Variants in RNF13 observed in about 807,000 individuals in gnomAD.
RNF13 encodes the protein E3 ubiquitin-protein ligase RNF13.
RNF13 carries 19 observed loss-of-function variants against 37.7 expected under a neutral mutation model. That is an observed-to-expected ratio of 0.50 (90% confidence interval 0.35 to 0.74). The LOEUF (loss-of-function observed/expected upper bound fraction) is 0.74, where lower values mean the gene tolerates loss of function less well. Ranked by LOEUF, RNF13 falls within the 30% of genes least tolerant of loss-of-function variation. RNF13 has a pLI of 0.01. For synonymous variants in RNF13, 144 were observed against 157.8 expected, an observed-to-expected ratio of 0.91 and a Z score of 0.65; for missense variants, 375 against 453.0, an observed-to-expected ratio of 0.83 and a Z score of 1.56.
chr3:149,837,632 A>T (rs1721756873), intron 1 of RNF13, among the ~76,000 whole-genome samples: 1 of 152,114 alleles, frequency 6.6e-6, no homozygotes, highest in Non-Finnish European at 1.5e-5. Context: ...ATCTCATGAG[A>T]CTTATTCATT....
At chr3:149,916,346 A>G (rs907164954) in intron 7 of RNF13, among the ~76,000 whole-genome samples, 1 of 152,236 alleles carries the variant, frequency 6.6e-6, no homozygotes, top group Non-Finnish European at 1.5e-5. Context: ...CTTTATTCAT[A>G]TCCATCTGTG....
At chr3:149,892,579 C>T (rs986091750) in intron 4 of RNF13, among the ~76,000 whole-genome samples, 13 of 152,142 alleles carry the variant, frequency 8.5e-5, no homozygotes, top group African/African-American at 2.7e-4. Flanking sequence ...AGGAGGTGAG[C>T]GGTGGGCCGG....
chr3:149,879,157 A>C (rs1002538401), intron 4 of RNF13, among the ~76,000 whole-genome samples: 3 of 152,164 alleles, frequency 2.0e-5, no homozygotes, highest in African/African-American at 7.2e-5. Flanking sequence ...AAGATGGAAG[A>C]CACAGTAAAA....
At chr3:149,868,474 T>A (rs991745563) in intron 3 of RNF13, among the ~76,000 whole-genome samples, 4 of 151,750 alleles carry the variant, frequency 2.6e-5, no homozygotes, top group Non-Finnish European at 4.4e-5. Context: ...TTTACTGGAT[T>A]TGGTATTCTT....
rs150122768 is a variant in RNF13, at chr3:149,937,056, C to T, written c.700+15829C>T. 2.0e-5 allele frequency among the ~76,000 whole-genome samples: 3 copies of T among 152,224 alleles called. No homozygotes were observed. The East Asian group carries it at 5.8e-4, about 29-fold the overall frequency. ...GCTAGGAGTTTGTGCGCAGAGGACC[C>T]GTGGAATGTGCCTCCTACTGCTGCT... is the stretch of plus-strand genomic sequence containing the variant. On this transcript the variant is annotated intron_variant, in intron 8 of 9. Coordinates refer to ENST00000392894, the MANE Select transcript of RNF13 (RefSeq NM_183381.3).
intron 1 of RNF13, chr3:149,817,160 T>C (rs761775555): frequency 4.6e-5 from 7 of 152,194 alleles, no homozygotes; most frequent in Non-Finnish European, 8.8e-5. Flanking sequence ...AATGCTTACA[T>C]TGTAAGGAAA....
chr3:149,860,887 T>C (rs777309364), intron 3 of RNF13, among the ~76,000 whole-genome samples: 1 of 152,044 alleles, frequency 6.6e-6, no homozygotes, highest in Non-Finnish European at 1.5e-5. Context: ...ATATCCAGAA[T>C]ATATAAGGAA....
At chr3:149,825,835 G>T (rs1720447086) in intron 1 of RNF13, among the ~76,000 whole-genome samples, 1 of 152,120 alleles carries the variant, frequency 6.6e-6, no homozygotes, top group Admixed American at 6.5e-5. Flanking sequence ...ACTTTGATAA[G>T]TTCTGATATA....
intron 7 of RNF13, 63 bp downstream of exon 7, chr3:149,912,146 T>C (rs1398310872): frequency 1.4e-5 from 11 of 782,286 alleles, no homozygotes; most frequent in Non-Finnish European, 2.4e-5. Flanking sequence ...AAACATTGTA[T>C]TGAGTGAGAG....
chr3:149,868,493 G>A (rs903958718), intron 3 of RNF13, among the ~76,000 whole-genome samples: 2 of 151,320 alleles, frequency 1.3e-5, no homozygotes, highest in Non-Finnish European at 3.0e-5. Context: ...TTGGATGATA[G>A]GTTTCCTTTC....
intron 8 of RNF13, among the ~76,000 whole-genome samples, chr3:149,933,527 A>G (rs770527799): frequency 1.3e-5 from 2 of 150,442 alleles, no homozygotes; most frequent in Admixed American, 6.6e-5. Context: ...TGTTGATTTT[A>G]TATCCTGCAA....
rs988378970 is a variant in RNF13 at position 149,867,367 on chromosome 3, A to G, written c.196-4662A>G. ...TGCAAGCTCCGCCTCCCGGGTTCAC[A>G]CCATTCTCCTGCCTCAGCCTCCCTA... is the stretch of plus-strand genomic sequence containing the variant. On this transcript the variant is annotated intron_variant, in intron 3 of 9. Transcript: ENST00000392894. 9.6e-3 allele frequency among the ~76,000 whole-genome samples: 1,429 copies of G among 149,246 alleles called. 10 individuals carry two copies. Among genetic ancestry groups the G allele is most frequent in the Non-Finnish European group, 0.015 (996 of 66,474 alleles).
chr3:149,902,739 C>T (rs894255676), intron 6 of RNF13, among the ~76,000 whole-genome samples: 2 of 152,000 alleles, frequency 1.3e-5, no homozygotes, highest in South Asian at 2.1e-4. Context: ...ACAGAGAAAA[C>T]GGTACAATAA....
At chr3:149,901,575 G>C (rs1355543147) in intron 5 of RNF13, among the ~76,000 whole-genome samples, 1 of 152,088 alleles carries the variant, frequency 6.6e-6, no homozygotes, top group Non-Finnish European at 1.5e-5. Context: ...ACCCCTGTCA[G>C]CCTTTCAGTC....
chr3:149,915,462 A>G (rs1237459008), intron 7 of RNF13, among the ~76,000 whole-genome samples: 1 of 152,216 alleles, frequency 6.6e-6, no homozygotes, highest in Non-Finnish European at 1.5e-5. Flanking sequence ...CAACTCCTCA[A>G]AAAATAAAAC....
chr3:149,933,029 T>C (rs1267315025), intron 8 of RNF13, among the ~76,000 whole-genome samples: 2 of 152,246 alleles, frequency 1.3e-5, no homozygotes, highest in South Asian at 2.1e-4. Flanking sequence ...TTTTGAATGC[T>C]GCACACCTAC....
intron 8 of RNF13, among the ~76,000 whole-genome samples, chr3:149,929,300 A>T (rs1421319849): frequency 6.6e-6 from 1 of 152,186 alleles, no homozygotes; most frequent in Admixed American, 6.5e-5. Context: ...GAGATGCCAG[A>T]TGCTTATAAA....
chr3:149,938,712 T>C (rs1375200603), intron 8 of RNF13, among the ~76,000 whole-genome samples: 1 of 152,128 alleles, frequency 6.6e-6, no homozygotes, highest in East Asian at 1.9e-4. Flanking sequence ...CACATGTATA[T>C]TTTTGCCTCC....
intron 3 of RNF13, among the ~76,000 whole-genome samples, chr3:149,865,024 G>T (rs1052676460): frequency 6.6e-6 from 1 of 151,900 alleles, no homozygotes; most frequent in Non-Finnish European, 1.5e-5. Flanking sequence ...AATTTTATTT[G>T]CAATCAGGTT....
Sources: allele counts gnomAD v4.1 joint callset (sites outside exome capture counted in the v4.1 genomes callset), GRCh38; gene constraint gnomAD v4.1.1; transcripts MANE v1.5; gene names NCBI Gene and HGNC (gene_info 2026-07-23, HGNC 2026-07-21).